The following CDH13 variants were observed in gnomAD, a reference collection of about 807,000 sequenced individuals.
The protein encoded by CDH13 is cadherin 13.
CDH13 carries 24 observed loss-of-function variants against 63.8 expected under a neutral mutation model. The observed-to-expected ratio is 0.38, with a 90% CI of 0.27 to 0.53. The LOEUF is 0.53. Among genes scored for constraint, CDH13 ranks in the 20% least tolerant of loss-of-function variants. CDH13 has a pLI of 0.85. For missense variants in CDH13, 1,049 were observed against 903.1 expected (o/e 1.16, Z -2.07); for synonymous variants, 503 against 355.3 (o/e 1.42, Z -4.67).
At chr16:83,446,256 T>C (rs1190090071) in intron 6 of CDH13, among the ~76,000 whole-genome samples, 3 of 144,740 alleles carry the variant, frequency 2.1e-5, no homozygotes, top group Non-Finnish European at 3.0e-5. Flanking sequence ...TGAGCCGAGA[T>C]CATGCCACTG....
chr16:83,420,638 A>T (rs891858175), intron 6 of CDH13, among the ~76,000 whole-genome samples: 1 of 152,206 alleles, frequency 6.6e-6, no homozygotes, highest in African/African-American at 2.4e-5. Flanking sequence ...ATGTGTATAT[A>T]TAAAAGGATA....
rs1243094555 is a variant in CDH13, at chr16:83,800,630, G to C, written c.*5600G>C. The C allele has an allele frequency of 6.6e-6, 1 of 152,186 alleles. No homozygotes were observed. The highest frequency in any genetic ancestry group is 6.5e-5 in the Admixed American group (1 of 15,286). 9.4% of individuals were successfully genotyped at this position (152,186 alleles called of 1,614,324 possible). ...TGAAACATTCAAATAAAGCTTATCT[G>C]GGATTTTTAACTTGTGTGTTTAGTC... On this transcript the variant is annotated 3_prime_UTR_variant, in exon 14 of 14. Coordinates refer to ENST00000567109, the MANE Select transcript of CDH13 (RefSeq NM_001257.5).
At position 83,626,400 on chromosome 16, in the gene CDH13, C is replaced by T. The variant is rs181842096; in HGVS notation, c.1101+23806C>T. On this transcript the variant is annotated intron_variant, in intron 8 of 13. Coordinates refer to ENST00000567109, the MANE Select transcript of CDH13 (RefSeq NM_001257.5). ...TAACTGCAGGAGAGATGTGAAAGTGCTTAGGATGTAGTTGGCGCTCAGGTC... is the reference window on the plus strand; with the variant it reads ...TAACTGCAGGAGAGATGTGAAAGTGTTTAGGATGTAGTTGGCGCTCAGGTC... Among the ~76,000 whole-genome samples, 34 of 152,198 alleles carry T rather than the reference C, an allele frequency of 2.2e-4. 1 individual carries two copies. Among genetic ancestry groups the T allele is most frequent in the African/African-American group, 7.9e-4 (33 of 41,526 alleles).
At chr16:83,325,618 C>T (rs73595987) in intron 5 of CDH13, among the ~76,000 whole-genome samples, 60 of 152,246 alleles carry the variant, frequency 3.9e-4, no homozygotes, top group African/African-American at 1.3e-3. Context: ...GCAGCAGCCT[C>T]GATGTGGCCT....
At chr16:83,373,849 C>G (rs9928330) in intron 6 of CDH13, among the ~76,000 whole-genome samples, 63,499 of 151,962 alleles carry the variant, frequency 0.42, 13,725 homozygotes, top group Middle Eastern at 0.49. Context: ...AGGCGTGAGT[C>G]CCATAGAGAG....
chr16:83,355,146 A>G (rs573828547), intron 6 of CDH13, among the ~76,000 whole-genome samples: 60 of 152,304 alleles, frequency 3.9e-4, no homozygotes, highest in Non-Finnish European at 6.5e-4. Context: ...TGGAGAGAGA[A>G]ATAGGGAAAC....
At chr16:82,638,652 A>T (rs1908986245) in intron 1 of CDH13, among the ~76,000 whole-genome samples, 1 of 152,168 alleles carries the variant, frequency 6.6e-6, no homozygotes. Flanking sequence ...ACATTAAAAA[A>T]AATAAAGTTT....
At chr16:83,132,146 T>C (rs762605105) in intron 4 of CDH13, among the ~76,000 whole-genome samples, 1 of 152,118 alleles carries the variant, frequency 6.6e-6, no homozygotes, top group Non-Finnish European at 1.5e-5. Context: ...TTGCCTCACT[T>C]TGAAGACCCA....
intron 1 of CDH13, among the ~76,000 whole-genome samples, chr16:82,779,295 C>A (rs1204392674): frequency 1.3e-5 from 2 of 152,116 alleles, no homozygotes; most frequent in Non-Finnish European, 2.9e-5. Context: ...AGTAGGCAGT[C>A]CAGCTTCAGA....
chr16:82,711,460 C>G (rs1426192905), intron 1 of CDH13, among the ~76,000 whole-genome samples: 2 of 152,154 alleles, frequency 1.3e-5, no homozygotes, highest in Non-Finnish European at 2.9e-5. Flanking sequence ...GCCCTTCAAG[C>G]ATACTTCATC....
intron 4 of CDH13, among the ~76,000 whole-genome samples, chr16:83,172,512 A>T (rs1203896376): frequency 1.3e-5 from 2 of 151,974 alleles, no homozygotes; most frequent in African/African-American, 4.8e-5. Flanking sequence ...AAAGCTAAAA[A>T]CACAAAATAA....
intron 2 of CDH13, among the ~76,000 whole-genome samples, chr16:82,946,478 G>T (rs960641223): frequency 6.6e-6 from 1 of 152,076 alleles, no homozygotes; most frequent in African/African-American, 2.4e-5. Flanking sequence ...CCAGCACTTT[G>T]TGAGGCCAAG....
chr16:83,477,011 T>G (rs2073623534), intron 6 of CDH13, among the ~76,000 whole-genome samples: 1 of 152,110 alleles, frequency 6.6e-6, no homozygotes, highest in African/African-American at 2.4e-5. Flanking sequence ...AGGAAGAAAT[T>G]AGGACAGTAA....
intron 2 of CDH13, among the ~76,000 whole-genome samples, chr16:82,885,585 T>A (rs1221192181): frequency 6.6e-6 from 1 of 152,116 alleles, no homozygotes; most frequent in Non-Finnish European, 1.5e-5. Flanking sequence ...GCATCCTACC[T>A]TCTATCCATC....
intron 6 of CDH13, among the ~76,000 whole-genome samples, chr16:83,351,169 T>C (rs1321870843): frequency 6.6e-6 from 1 of 152,168 alleles, no homozygotes; most frequent in Non-Finnish European, 1.5e-5. Flanking sequence ...ACCCATTGAC[T>C]GTTAATTTTT....
intron 6 of CDH13, among the ~76,000 whole-genome samples, chr16:83,481,416 C>T (rs905560653): frequency 6.6e-5 from 10 of 152,304 alleles, no homozygotes; most frequent in East Asian, 5.8e-4. Context: ...GAAAACCCCC[C>T]GTCACTCTCA....
chr16:82,627,805 C>T (rs1340411365), intron 1 of CDH13, among the ~76,000 whole-genome samples: 2 of 152,226 alleles, frequency 1.3e-5, no homozygotes, highest in Non-Finnish European at 2.9e-5. Flanking sequence ...GGAGCGTGTC[C>T]CCCGCCAGGG....
chr16:83,476,134 G>A (rs1205032375), intron 6 of CDH13, among the ~76,000 whole-genome samples: 3 of 151,962 alleles, frequency 2.0e-5, no homozygotes, highest in Non-Finnish European at 2.9e-5. Context: ...TTGTGCATTT[G>A]GCAAATGTTT....
chr16:82,698,849 A>G (rs1340316698), intron 1 of CDH13, among the ~76,000 whole-genome samples: 1 of 152,196 alleles, frequency 6.6e-6, no homozygotes, highest in Non-Finnish European at 1.5e-5. Context: ...GATAGTAAAT[A>G]TTTTAGACTT....
Sources: gnomAD v4.1 joint callset for allele counts (sites outside exome capture counted in the v4.1 genomes callset) on GRCh38, gnomAD v4.1.1 for gene constraint, MANE v1.5 for transcripts, NCBI Gene and HGNC (gene_info 2026-07-23, HGNC 2026-07-21) for gene names.